The following PHF11 variants were observed in gnomAD, a reference collection of about 807,000 sequenced individuals.
The protein encoded by PHF11 is BRCA1 C-terminus-associated protein.
A neutral mutation model predicts 40.5 loss-of-function variants in PHF11; 38 were observed. The ratio of observed to expected loss-of-function variants is 0.94; its 90% CI spans 0.72 to 1.23. The LOEUF is 1.23. Among genes scored for constraint, PHF11 ranks in the 50% most tolerant of loss-of-function variants. The pLI is 0.00. For missense variants in PHF11, 369 were observed against 392.4 expected, an observed-to-expected ratio of 0.94 and a Z score of 0.50; for synonymous variants, 127 against 138.2, an observed-to-expected ratio of 0.92 and a Z score of 0.57.
At chr13:49,526,237 A>T in intron 8 of PHF11, 150 bp from the exon 9 acceptor site, 1 of 601,498 alleles carries the variant, frequency 1.7e-6, no homozygotes, top group Non-Finnish European at 3.0e-6. Flanking sequence ...GCTTCCCTGT[A>T]GTGCTGCTGC....
At chr13:49,502,422 C>T (rs1306848041) in intron 1 of PHF11, among the ~76,000 whole-genome samples, 6 of 152,174 alleles carry the variant, frequency 3.9e-5, no homozygotes, top group African/African-American at 1.4e-4. Flanking sequence ...GTTGTAATTT[C>T]ATCAAGTAAA....
At position 49,528,831 on chromosome 13, in the gene PHF11, CTT is replaced by C. The variant is rs1959426819; in HGVS notation, c.*167_*168del. 1.8e-6 allele frequency: 1 copy of C among 544,192 alleles called. No individual in the cohort carries two copies. Among genetic ancestry groups the C allele is most frequent in the Non-Finnish European group, 3.2e-6 (1 of 310,386 alleles). 33.7% of individuals were successfully genotyped at this position (544,192 alleles called of 1,614,324 possible). A position where few individuals can be genotyped will look rare whatever the true frequency, so the allele number is the denominator to read the frequency against. On this transcript the variant is annotated 3_prime_UTR_variant, in exon 10 of 10. Transcript: ENST00000378319. ...ACATTTTGATCACTCTTTGCACACTCTTGTGTTTTTTGCTCACTGTCACATTC... is the reference window on the plus strand; with the variant it reads ...ACATTTTGATCACTCTTTGCACACTCGTGTTTTTTGCTCACTGTCACATTC...
intron 1 of PHF11, among the ~76,000 whole-genome samples, chr13:49,497,554 C>T (rs1256076439): frequency 2.6e-5 from 4 of 152,242 alleles, no homozygotes; most frequent in Admixed American, 1.3e-4. Flanking sequence ...CCACCCAAGC[C>T]TACGCCATCA....
At position 49,496,158 on chromosome 13, in the gene PHF11, G is replaced by A. The variant is rs562536594; in HGVS notation, c.94+63G>A. On this transcript the variant is annotated intron_variant, in intron 1 of 9. Coordinates refer to ENST00000378319, the MANE Select transcript of PHF11 (RefSeq NM_001040443.3). ...CTGGGCAGCGACGGGCCCGGTCAAG[G>A]GGCCTGCCTTCCGGTCGTGGCCGCA... 5.9e-4 allele frequency: 590 copies of A among 997,268 alleles called. 9 individuals are homozygous for A. In the South Asian group the frequency reaches 8.6e-3, roughly 15 times the overall value. 61.8% of individuals were successfully genotyped at this position (997,268 alleles called of 1,614,324 possible).
At chr13:49,501,017 G>GTTTTTTTTTTTTTTTTTTTTTTT (rs1491587127) in intron 1 of PHF11, among the ~76,000 whole-genome samples, 1 of 108,826 alleles carries the variant, frequency 9.2e-6, no homozygotes, top group African/African-American at 4.2e-5. Flanking sequence ...TTTTTTTTTG[G>GTTTTTTTTTTTTTTTTTTTTTTT]TTTTTTTTTT....
intron 8 of PHF11, 81 bp from the exon 9 acceptor site, chr13:49,526,306 C>T: frequency 1.2e-6 from 1 of 850,056 alleles, no homozygotes. Flanking sequence ...TTCCTTTCCC[C>T]TGTTTTGGAT....
chr13:49,506,828 AACACTTTGG>A, intron 2 of PHF11, 72 bp downstream of exon 2: 1 of 1,034,236 alleles, frequency 9.7e-7, no homozygotes, highest in Non-Finnish European at 1.4e-6. Context: ...ATAGATAAAC[AACACTTTGG>A]ACACAAAGAA....
intron 1 of PHF11, among the ~76,000 whole-genome samples, chr13:49,505,056 T>C (rs1958966356): frequency 6.8e-6 from 1 of 146,220 alleles, no homozygotes; most frequent in Admixed American, 7.1e-5. Flanking sequence ...CAATCTCAAG[T>C]ACCCAGGGAC....
intron 1 of PHF11, among the ~76,000 whole-genome samples, chr13:49,496,829 C>CATTT (rs1958818949): frequency 1.1e-5 from 1 of 93,638 alleles, no homozygotes; most frequent in African/African-American, 4.3e-5. Context: ...CTGGGCTTAC[C>CATTT]CTTTTTTTTT....
chr13:49,504,431 G>C (rs1473969039), intron 1 of PHF11, among the ~76,000 whole-genome samples: 2 of 152,026 alleles, frequency 1.3e-5, no homozygotes, highest in Non-Finnish European at 2.9e-5. Context: ...ACTCCAACCT[G>C]AGTGACAGAG....
At chr13:49,506,869 A>G (rs1959001981) in intron 2 of PHF11, 113 bp downstream of exon 2, 2 of 388,726 alleles carry the variant, frequency 5.1e-6, no homozygotes, top group Non-Finnish European at 8.9e-6. Context: ...CCATGGTTTG[A>G]GCTTTTAGGT....
intron 1 of PHF11, chr13:49,496,446 C>T: frequency 1.9e-6 from 2 of 1,037,782 alleles, no homozygotes; most frequent in Non-Finnish European, 2.3e-6. Flanking sequence ...CCTCCGCTCA[C>T]CGGTAAACCA....
At chr13:49,526,223 G>T in intron 8 of PHF11, 164 bp from the exon 9 acceptor site, 2 of 546,840 alleles carry the variant, frequency 3.7e-6, no homozygotes, top group East Asian at 3.1e-5. Context: ...TTACATTTCT[G>T]ACAGCTTCCC....
chr13:49,510,941 T>TAAAC (rs1959074122), intron 2 of PHF11, among the ~76,000 whole-genome samples: 1 of 152,240 alleles, frequency 6.6e-6, no homozygotes, highest in Non-Finnish European at 1.5e-5. Flanking sequence ...CATCAAGATA[T>TAAAC]AAACATTTCC....
At chr13:49,507,195 A>G (rs962376443) in intron 2 of PHF11, among the ~76,000 whole-genome samples, 3 of 151,592 alleles carry the variant, frequency 2.0e-5, no homozygotes, top group African/African-American at 4.8e-5. Context: ...GTGAGCCACC[A>G]CGCCCGGGCC....
chr13:49,506,565 G>C, intron 1 of PHF11, 70 bp from the exon 2 acceptor site: 2 of 1,400,084 alleles, frequency 1.4e-6, no homozygotes, highest in Non-Finnish European at 2.0e-6. Flanking sequence ...TCCACTTGAA[G>C]ACTGGAAGAG....
Position 49,524,144 on chromosome 13 carries a change from T to C in PHF11, c.697T>C (p.Leu233=). ...KCKEAGLLNY[L]LEEILDKVHS... The stretch of plus-strand genomic sequence containing the variant: ...CAAGGAAGCAGGACTTCTTAATTAC[T>C]TACTTGAAGAAATATTAGACAAAGT... Residue 233 remains leucine (L), a synonymous_variant, in exon 8 of 10, where the codon TTA becomes CTA. Coordinates refer to ENST00000378319, the MANE Select transcript of PHF11 (RefSeq NM_001040443.3). 6.2e-7 allele frequency: 1 copy of C among 1,606,100 alleles called. No homozygotes were observed. Among genetic ancestry groups the C allele is most frequent in the Non-Finnish European group, 8.5e-7 (1 of 1,173,616 alleles).
At chr13:49,501,966 CA>C (rs1958915495) in intron 1 of PHF11, among the ~76,000 whole-genome samples, 1 of 151,792 alleles carries the variant, frequency 6.6e-6, no homozygotes, top group Non-Finnish European at 1.5e-5. Context: ...GCTGGGATTA[CA>C]GGTGTGAGCC....
At chr13:49,524,053 A>G (rs202097942) in intron 7 of PHF11, 32 bp from the exon 8 acceptor site, 76 of 1,587,432 alleles carry the variant, frequency 4.8e-5, no homozygotes, top group Admixed American at 1.8e-5. Flanking sequence ...CCCTAAGACT[A>G]TTTCCTTCTC....
Sources: allele counts gnomAD v4.1 joint callset (sites outside exome capture counted in the v4.1 genomes callset), GRCh38; gene constraint gnomAD v4.1.1; transcripts MANE v1.5; gene names NCBI Gene and HGNC (gene_info 2026-07-23, HGNC 2026-07-21).